The following TEAD1 variants were observed in gnomAD, a reference collection of about 807,000 sequenced individuals.
TEAD1 encodes transcriptional enhancer factor TEF-1.
In TEAD1, 9 loss-of-function variants were observed where a neutral mutation model predicts 54.9. That is an observed-to-expected ratio of 0.16 (90% CI 0.10 to 0.29). TEAD1 has a LOEUF of 0.29. Among genes scored for constraint, TEAD1 ranks in the 10% least tolerant of loss-of-function variants. The pLI, the probability that TEAD1 is intolerant of heterozygous loss-of-function variation, is 1.00. For synonymous variants in TEAD1, 200 were observed against 187.8 expected, an observed-to-expected ratio of 1.07 and a Z score of -0.53; for missense variants, 387 against 535.9, an observed-to-expected ratio of 0.72 and a Z score of 2.74.
chr11:12,752,243 CT>C (rs1417247774), intron 2 of TEAD1, among the ~76,000 whole-genome samples: 1 of 52,734 alleles, frequency 1.9e-5, no homozygotes, highest in African/African-American at 6.8e-5. Context: ...TCATTTCTTT[CT>C]TTTTTTTTAA....
At chr11:12,878,398 C>T (rs1947899525) in intron 5 of TEAD1, among the ~76,000 whole-genome samples, 1 of 152,282 alleles carries the variant, frequency 6.6e-6, no homozygotes, top group East Asian at 1.9e-4. Flanking sequence ...CTGAAGCTCC[C>T]TTTGACGTTC....
At chr11:12,733,007 CTG>C (rs1165864866) in intron 2 of TEAD1, among the ~76,000 whole-genome samples, 3 of 152,194 alleles carry the variant, frequency 2.0e-5, no homozygotes, top group Admixed American at 1.3e-4. Flanking sequence ...TCTTCTCACT[CTG>C]TGAGTACCTT....
Position 12,844,286 on chromosome 11 carries a change from C to T in TEAD1, c.203-17964C>T, listed in dbSNP as rs112865038. 4.2e-3 allele frequency among the ~76,000 whole-genome samples: 639 copies of T among 152,276 alleles called. 7 individuals carry two copies. The highest frequency in any genetic ancestry group is 0.014 in the African/African-American group (588 of 41,580). The stretch of plus-strand genomic sequence containing the variant: ...TTAAAAACTTCACATTTGCTTATCT[C>T]TTTTTCCTCTTAAGAACTAAGAGTC... On this transcript the variant is annotated intron_variant, in intron 3 of 12. Transcript: ENST00000527636.
chr11:12,765,347 G>T (rs1025374453), intron 3 of TEAD1, among the ~76,000 whole-genome samples: 1 of 152,106 alleles, frequency 6.6e-6, no homozygotes, highest in Non-Finnish European at 1.5e-5. Flanking sequence ...TTGTCTAATT[G>T]AGCACGTTGA....
intron 2 of TEAD1, among the ~76,000 whole-genome samples, chr11:12,681,756 C>G (rs1050976654): frequency 6.6e-5 from 10 of 152,246 alleles, no homozygotes; most frequent in Admixed American, 6.5e-4. Context: ...GCTGTCTGCC[C>G]CGCTCCTGTC....
intron 3 of TEAD1, among the ~76,000 whole-genome samples, chr11:12,844,188 G>A (rs529034974): frequency 2.6e-4 from 39 of 152,172 alleles, no homozygotes; most frequent in African/African-American, 8.7e-4. Flanking sequence ...TTAAATAAAT[G>A]TAAATAATTT....
At chr11:12,683,690 G>A (rs1460239944) in intron 2 of TEAD1, among the ~76,000 whole-genome samples, 1 of 152,072 alleles carries the variant, frequency 6.6e-6, no homozygotes, top group East Asian at 1.9e-4. Flanking sequence ...CTTAACCCTC[G>A]CATATCGATA....
intron 5 of TEAD1, among the ~76,000 whole-genome samples, chr11:12,867,415 G>T (rs1947639917): frequency 6.6e-6 from 1 of 152,170 alleles, no homozygotes; most frequent in Non-Finnish European, 1.5e-5. Context: ...ATCAGTAACT[G>T]GGGGAATGAC....
At chr11:12,870,653 A>C (rs904796393) in intron 5 of TEAD1, among the ~76,000 whole-genome samples, 2 of 152,162 alleles carry the variant, frequency 1.3e-5, no homozygotes, top group Non-Finnish European at 2.9e-5. Context: ...CGGGAGGCCG[A>C]GATGGGCAGA....
At chr11:12,860,036 A>G (rs1344973926) in intron 3 of TEAD1, among the ~76,000 whole-genome samples, 1 of 152,188 alleles carries the variant, frequency 6.6e-6, no homozygotes, top group African/African-American at 2.4e-5. Flanking sequence ...TTTGAAAGGA[A>G]GACAGACAAA....
intron 3 of TEAD1, among the ~76,000 whole-genome samples, chr11:12,839,491 C>T (rs1216364336): frequency 6.6e-6 from 1 of 152,132 alleles, no homozygotes; most frequent in Non-Finnish European, 1.5e-5. Flanking sequence ...CCACTCTGTC[C>T]ACATGTTTCT....
chr11:12,930,556 G>A (rs951786727), intron 12 of TEAD1, among the ~76,000 whole-genome samples: 1 of 152,194 alleles, frequency 6.6e-6, no homozygotes, highest in Non-Finnish European at 1.5e-5. Context: ...TCTAAGGTTC[G>A]CAGAACTGGA....
chr11:12,892,567 C>T (rs1410876790), intron 9 of TEAD1, among the ~76,000 whole-genome samples: 1 of 152,164 alleles, frequency 6.6e-6, no homozygotes, highest in Non-Finnish European at 1.5e-5. Context: ...TTGCTTGAAC[C>T]TGGGAAGCAG....
chr11:12,933,295 A>T (rs951166675), intron 12 of TEAD1, among the ~76,000 whole-genome samples: 1 of 152,248 alleles, frequency 6.6e-6, no homozygotes, highest in Non-Finnish European at 1.5e-5. Flanking sequence ...ATTAATACCT[A>T]TCAATCAATA....
chr11:12,756,847 C>G (rs1944991753), intron 2 of TEAD1, among the ~76,000 whole-genome samples: 1 of 152,228 alleles, frequency 6.6e-6, no homozygotes, highest in African/African-American at 2.4e-5. Flanking sequence ...ATAAGATCCT[C>G]TAGGCAGAAA....
intron 2 of TEAD1, among the ~76,000 whole-genome samples, chr11:12,691,543 G>T (rs1943457604): frequency 6.6e-6 from 1 of 152,102 alleles, no homozygotes; most frequent in South Asian, 2.1e-4. Flanking sequence ...ACTTGCTCAT[G>T]CCTGGCCTCT....
At chr11:12,769,851 T>C (rs978438088) in intron 3 of TEAD1, among the ~76,000 whole-genome samples, 1 of 152,132 alleles carries the variant, frequency 6.6e-6, no homozygotes, top group Non-Finnish European at 1.5e-5. Flanking sequence ...AGGCCTGGAA[T>C]ATAGAAGGTG....
At chr11:12,824,807 G>T (rs1351355240) in intron 3 of TEAD1, among the ~76,000 whole-genome samples, 1 of 152,182 alleles carries the variant, frequency 6.6e-6, no homozygotes, top group Non-Finnish European at 1.5e-5. Context: ...GCAGAACCGT[G>T]CTGACCTGGA....
At chr11:12,917,453 G>A (rs967029126) in intron 10 of TEAD1, among the ~76,000 whole-genome samples, 2 of 152,206 alleles carry the variant, frequency 1.3e-5, no homozygotes, top group African/African-American at 4.8e-5. Flanking sequence ...CACTAAATGT[G>A]TGATAATTTG....
Sources: allele counts gnomAD v4.1 joint callset (sites outside exome capture counted in the v4.1 genomes callset), GRCh38; gene constraint gnomAD v4.1.1; transcripts MANE v1.5; gene names NCBI Gene and HGNC (gene_info 2026-07-23, HGNC 2026-07-21).